Variants in ATG2B observed in about 807,000 individuals in gnomAD.
ATG2B encodes autophagy related 2B.
A neutral mutation model predicts 241.3 loss-of-function variants in ATG2B; 121 were observed. The observed-to-expected ratio is 0.50, with a 90% confidence interval of 0.43 to 0.58. The LOEUF (loss-of-function observed/expected upper bound fraction) is 0.58, where lower values mean the gene tolerates loss of function less well. Ranked by LOEUF, ATG2B falls within the 20% of genes least tolerant of loss-of-function variation. The pLI, the probability that ATG2B is intolerant of heterozygous loss-of-function variation, is 0.00. For missense variants in ATG2B, 2,306 were observed against 2,491.6 expected, an observed-to-expected ratio of 0.93 and a Z score of 1.59; for synonymous variants, 858 against 876.6, an observed-to-expected ratio of 0.98 and a Z score of 0.37.
At chr14:96,347,043 G>C (rs1000521194) in intron 2 of ATG2B, 136 bp downstream of exon 2, 3 of 670,258 alleles carry the variant, frequency 4.5e-6, no homozygotes, top group African/African-American at 1.8e-5. Flanking sequence ...ATTCTACAAA[G>C]AGCCAAGTCG....
In ATG2B at chr14:96,289,641, C is replaced by G; in HGVS notation, c.6006+15G>C. On this transcript the variant is annotated intron_variant, in intron 41 of 41. Coordinates refer to ENST00000359933, the MANE Select transcript of ATG2B (RefSeq NM_018036.7). The surrounding 1 kb of genome is among the most constrained non-coding windows in gnomAD (Gnocchi z 4.3). ...ACAGAAGGGTTCTGATGTGTCCACCCAAGTATTCAGTTACCTCTTTCACAA... is the reference window on the plus strand; with the variant it reads ...ACAGAAGGGTTCTGATGTGTCCACCGAAGTATTCAGTTACCTCTTTCACAA... The G allele has an allele frequency of 6.2e-7, 1 of 1,613,804 alleles. No homozygotes were observed. Among genetic ancestry groups the G allele is most frequent in the Non-Finnish European group, 8.5e-7 (1 of 1,179,840 alleles).
chr14:96,304,629 A>AC (rs566129187), intron 31 of ATG2B, 26 bp from the exon 32 acceptor site: 2 of 1,323,140 alleles, frequency 1.5e-6, no homozygotes, highest in South Asian at 2.6e-5. Flanking sequence ...AAAAAAAAAA[A>AC]CCCTTTTGTT....
chr14:96,330,466 T>A (rs1045690099), intron 11 of ATG2B, among the ~76,000 whole-genome samples: 7 of 152,026 alleles, frequency 4.6e-5, no homozygotes, highest in African/African-American at 1.7e-4. Context: ...AGAGTTTGCA[T>A]GTTAACAATA....
At chr14:96,308,265 T>TATATAC (rs1887040904) in intron 29 of ATG2B, among the ~76,000 whole-genome samples, 7 of 26,138 alleles carry the variant, frequency 2.7e-4, no homozygotes, top group Non-Finnish European at 6.1e-4. Flanking sequence ...CACATATATA[T>TATATAC]ATATATATAT....
intron 3 of ATG2B, 46 bp downstream of exon 3, chr14:96,345,187 T>G (rs750234523): frequency 2.6e-6 from 4 of 1,533,508 alleles, no homozygotes; most frequent in Non-Finnish European, 3.5e-6. Context: ...GGTACAAAAC[T>G]ACTAAATCAA....
rs941483869 is a variant in ATG2B at position 96,363,286 on chromosome 14, G to C, written c.-310C>G. 1.0e-5 allele frequency: 3 copies of C among 289,752 alleles called. No homozygotes were observed. Among genetic ancestry groups the C allele is most frequent in the Non-Finnish European group, 2.0e-5 (3 of 152,228 alleles). 17.9% of individuals were successfully genotyped at this position (289,752 alleles called of 1,614,324 possible). A position where few individuals can be genotyped will look rare whatever the true frequency, so the allele number is the denominator to read the frequency against. ...GGCGGCAGGGGCTGAGGCAGCCACC[G>C]CCACTGCCGCCGCGCGACGAATTTG... On this transcript the variant is annotated 5_prime_UTR_variant, in exon 1 of 42. Coordinates refer to ENST00000359933, the MANE Select transcript of ATG2B (RefSeq NM_018036.7).
intron 26 of ATG2B, 46 bp downstream of exon 26, chr14:96,312,043 A>G: frequency 2.1e-6 from 3 of 1,431,062 alleles, no homozygotes; most frequent in Non-Finnish European, 2.9e-6. Context: ...TTTACGCACA[A>G]AAATAAAGCA....
chr14:96,341,651 C>T lies in ATG2B; in HGVS notation c.795G>A (p.Glu265=), dbSNP rs1192998961. The T allele has an allele frequency of 5.7e-5, 91 of 1,594,434 alleles. No individual in the cohort carries two copies. Among genetic ancestry groups the T allele is most frequent in the Non-Finnish European group, 7.8e-5 (91 of 1,168,516 alleles). The change falls in exon 6 of 42, where the codon GAG becomes GAA. Residue 265 remains glutamate, a synonymous_variant. Transcript: ENST00000359933. ...AATTTCTAGTTAGCTGTGGGTGTGG[C>T]TCATAAATAATTTTGGGGTTCCAGC... ...SPSWNPKIIY[E]PHPQLTRNLP...
In ATG2B at chr14:96,319,484, C is replaced by T. The variant is rs576214521; in HGVS notation, c.2880-1629G>A. 2.6e-5 allele frequency among the ~76,000 whole-genome samples: 4 copies of T among 152,134 alleles called. No homozygotes were observed. The South Asian group carries it at 8.3e-4, about 32-fold the overall frequency. On this transcript the variant is annotated intron_variant, in intron 18 of 41. Transcript: ENST00000359933. ...AGAAAACATTCTCCTGTACCTAAAACCATACTGCTAAAAACAGCCTGTTGA... is the reference window on the plus strand; with the variant it reads ...AGAAAACATTCTCCTGTACCTAAAATCATACTGCTAAAAACAGCCTGTTGA...
In ATG2B at chr14:96,313,133, A is replaced by G; in HGVS notation, c.3774T>C (p.Ser1258=). 12 of 1,613,556 alleles carry G rather than the reference A, an allele frequency of 7.4e-6. No individual in the cohort carries two copies. Among genetic ancestry groups the G allele is most frequent in the Non-Finnish European group, 1.0e-5 (12 of 1,179,694 alleles). The change falls in exon 25 of 42, where the codon TCT becomes TCC. Residue 1258 remains serine, a synonymous_variant. Coordinates refer to ENST00000359933, the MANE Select transcript of ATG2B (RefSeq NM_018036.7). ...DYRPLYLPIR[S]LLTVETFSVS... ...CACTGAATGTTTCCACGGTAAGAAG[A>G]GATCGGATTGGCAAATAAAGGGGTC...
At position 96,291,683 on chromosome 14, in the gene ATG2B, C is replaced by T; in HGVS notation, c.5497-1G>A. The T allele has an allele frequency of 1.2e-6, 2 of 1,600,820 alleles. No homozygotes were observed. Among genetic ancestry groups the T allele is most frequent in the Non-Finnish European group, 1.7e-6 (2 of 1,171,904 alleles). On this transcript the variant is annotated splice_acceptor_variant, in intron 37 of 41. Coordinates refer to ENST00000359933, the MANE Select transcript of ATG2B (RefSeq NM_018036.7). LOFTEE classifies it high-confidence loss of function. ...CAATCAAAATCCCAGCTAGCGTACC[C>T]TTCAAAATTAAAAAAGGCCAAATTA...
Position 96,295,088 on chromosome 14 carries a change from A to C in ATG2B, c.5298T>G (p.Ile1766Met), listed in dbSNP as rs1886593680. 1 of 1,614,092 alleles carries C rather than the reference A, an allele frequency of 6.2e-7. No homozygotes were observed. The highest frequency in any genetic ancestry group is 1.3e-5 in the African/African-American group (1 of 74,934). Residue 1766 changes from isoleucine (I) to methionine (M), a missense_variant, in exon 36 of 42, where the codon ATT (isoleucine) becomes ATG (methionine). Physicochemically the swap from Ile to Met is conservative, Grantham distance 10. Around this residue, in one of 2 missense-constraint regions of ATG2B, gnomAD observed 379 missense variants for 480.4 expected, o/e 0.79. Coordinates refer to ENST00000359933, the MANE Select transcript of ATG2B (RefSeq NM_018036.7). ...LSTSKEPNLV[I>M]SFSGPKQPSQ... ...AAGGCTGTTTTGGCCCAGAGAAAGA[A>C]ATAACCAGATTTGGCTCCTTTGAGG... is the stretch of plus-strand genomic sequence containing the variant.
In ATG2B at chr14:96,304,530, T is replaced by G. The variant is rs770782894; in HGVS notation, c.4807A>C (p.Asn1603His). Residue 1603 changes from asparagine (N) to histidine (H), a missense_variant, in exon 32 of 42, where the codon AAC becomes CAC. By Grantham distance (68) the Asn-to-His change is moderately conservative (BLOSUM62 1). Coordinates refer to ENST00000359933, the MANE Select transcript of ATG2B (RefSeq NM_018036.7). ...TGTATTTCCATTAAAAAGTCATGGT[T>G]CCTTCCTTTTCCCCCACATACTGTA... ...RNTVCGGKGR[N>H]HDFLMEIQLS... 3 of 1,613,222 alleles carry G rather than the reference T, an allele frequency of 1.9e-6. No individual in the cohort carries two copies. The South Asian group carries it at 3.3e-5, about 18-fold the overall frequency.
chr14:96,342,372 A>G (rs983052463), intron 5 of ATG2B, among the ~76,000 whole-genome samples: 2 of 152,112 alleles, frequency 1.3e-5, no homozygotes, highest in Non-Finnish European at 2.9e-5. Flanking sequence ...TCATGCACAA[A>G]ATTATTGAAA....
chr14:96,280,460 T>C lies in ATG2B; in HGVS notation c.*5295A>G, dbSNP rs1490173805. 6.6e-6 allele frequency: 1 copy of C among 152,208 alleles called. No homozygotes were observed. The highest frequency in any genetic ancestry group is 2.4e-5 in the African/African-American group (1 of 41,452). The allele number at this position is 152,208 out of a possible 1,614,324, so 9.4% of individuals were successfully genotyped here. On this transcript the variant is annotated 3_prime_UTR_variant, in exon 42 of 42. Coordinates refer to ENST00000359933, the MANE Select transcript of ATG2B (RefSeq NM_018036.7). ...TTGGCACACAGTAAGCATCTCACAA[T>C]TGTCCCCATCCCTTTTTTCAACAAG...
intron 16 of ATG2B, 53 bp downstream of exon 16, chr14:96,323,843 T>A: frequency 8.6e-7 from 1 of 1,167,886 alleles, no homozygotes; most frequent in South Asian, 1.3e-5. Flanking sequence ...TTTAAAAGAA[T>A]ATTTTATTTT....
intron 27 of ATG2B, 122 bp downstream of exon 27, chr14:96,311,420 C>A (rs1447137241): frequency 8.5e-7 from 1 of 1,170,360 alleles, no homozygotes; most frequent in South Asian, 1.6e-5. Context: ...TTAAATAAAT[C>A]CATTTTTAAT....
chr14:96,283,029 G>A lies in ATG2B; in HGVS notation c.*2726C>T, dbSNP rs1384327500. On this transcript the variant is annotated 3_prime_UTR_variant, in exon 42 of 42. Coordinates refer to ENST00000359933, the MANE Select transcript of ATG2B (RefSeq NM_018036.7). ...CTATGACATCTAGAAGAAACACTGA[G>A]TTATCTAAAAGGCAATGTTCAGTGG... 6.6e-6 allele frequency: 1 copy of A among 152,194 alleles called. No individual in the cohort carries two copies. The highest frequency in any genetic ancestry group is 2.4e-5 in the African/African-American group (1 of 41,448). The allele number at this position is 152,194 out of a possible 1,614,324, so 9.4% of individuals were successfully genotyped here. A position where few individuals can be genotyped will look rare whatever the true frequency, so the allele number is the denominator to read the frequency against.
At chr14:96,286,980 G>A (rs1886351694) in intron 41 of ATG2B, among the ~76,000 whole-genome samples, 1 of 152,186 alleles carries the variant, frequency 6.6e-6, no homozygotes, top group Admixed American at 6.5e-5. Context: ...AGAAGGCCGG[G>A]CGCGGTGGCT....
Sources: gnomAD v4.1 joint callset for allele counts (sites outside exome capture counted in the v4.1 genomes callset) on GRCh38, gnomAD v4.1.1 for gene constraint, gnomAD v4.1.1 regional missense constraint, Gnocchi (gnomAD v3.1) non-coding constraint, MANE v1.5 for transcripts, NCBI Gene and HGNC (gene_info 2026-07-23, HGNC 2026-07-21) for gene names.